The following STARD13 variants were observed in gnomAD, a reference collection of about 807,000 sequenced individuals.
STARD13 encodes StAR related lipid transfer domain containing 13.
A neutral mutation model predicts 106.4 loss-of-function variants in STARD13; 62 were observed. The ratio of observed to expected loss-of-function variants is 0.58; its 90% CI spans 0.48 to 0.72. STARD13 has a LOEUF of 0.72. Among genes scored for constraint, STARD13 ranks in the 30% least tolerant of loss-of-function variants. The pLI is 0.00. For missense variants in STARD13, 1,387 were observed against 1,424.0 expected (o/e 0.97, Z 0.42); for synonymous variants, 565 against 553.0 (o/e 1.02, Z -0.31).
chr13:33,263,962 A>T (rs1445959683), intron 1 of STARD13, among the ~76,000 whole-genome samples: 1 of 152,220 alleles, frequency 6.6e-6, no homozygotes, highest in Non-Finnish European at 1.5e-5. Flanking sequence ...TGAAGAGGCA[A>T]CTTCCAAGAC....
the STARD13 span, among the ~76,000 whole-genome samples, chr13:33,578,650 T>C: frequency 2.0e-5 from 3 of 151,900 alleles, no homozygotes; most frequent in African/African-American, 7.3e-5. Context: ...AATAAGGAAA[T>C]AGGACCTAAT....
chr13:33,599,042 T>G, the STARD13 span, among the ~76,000 whole-genome samples: 2 of 152,212 alleles, frequency 1.3e-5, no homozygotes, highest in African/African-American at 4.8e-5. Context: ...TGTGAGAGTT[T>G]CAATTTAAAA....
intron 1 of STARD13, among the ~76,000 whole-genome samples, chr13:33,270,148 G>A (rs1463287787): frequency 6.6e-6 from 1 of 152,050 alleles, no homozygotes; most frequent in African/African-American, 2.4e-5. Context: ...AGGCAGGAGA[G>A]TTGCTTGAAC....
At chr13:33,577,269 C>T in the STARD13 span, among the ~76,000 whole-genome samples, 1 of 152,162 alleles carries the variant, frequency 6.6e-6, no homozygotes, top group Non-Finnish European at 1.5e-5. Context: ...GCAACCACCT[C>T]TACTCTACAG....
At chr13:33,253,437 A>C (rs1890185914) in intron 1 of STARD13, among the ~76,000 whole-genome samples, 1 of 152,260 alleles carries the variant, frequency 6.6e-6, no homozygotes, top group Non-Finnish European at 1.5e-5. Context: ...CAGGAAAAAC[A>C]CAATTACCCC....
intron 1 of STARD13, among the ~76,000 whole-genome samples, chr13:33,337,928 T>C (rs1420612771): frequency 1.3e-5 from 2 of 152,230 alleles, no homozygotes; most frequent in African/African-American, 4.8e-5. Context: ...GGCCCTTCTA[T>C]GCATGGGGCC....
the STARD13 span, among the ~76,000 whole-genome samples, chr13:33,393,332 T>C: frequency 2.0e-5 from 3 of 151,994 alleles, no homozygotes; most frequent in Non-Finnish European, 2.9e-5. Flanking sequence ...CATTTGGAGA[T>C]GAAAAAAATG....
At chr13:33,281,895 T>C (rs753404292) in intron 1 of STARD13, among the ~76,000 whole-genome samples, 34 of 152,194 alleles carry the variant, frequency 2.2e-4, no homozygotes, top group Non-Finnish European at 4.9e-4. Flanking sequence ...GTTCTGGAGA[T>C]GGATGGCGGT....
the STARD13 span, among the ~76,000 whole-genome samples, chr13:33,486,617 C>T: frequency 6.6e-6 from 1 of 152,146 alleles, no homozygotes; most frequent in Non-Finnish European, 1.5e-5. Flanking sequence ...TTCCATCTTT[C>T]CTTATTGATG....
downstream of STARD13, among the ~76,000 whole-genome samples, chr13:33,346,123 G>A (rs1020492333): frequency 1.3e-5 from 2 of 152,144 alleles, no homozygotes; most frequent in African/African-American, 4.8e-5. Flanking sequence ...TGTGTGTCAG[G>A]CACACAGGGC....
chr13:33,441,827 C>T, the STARD13 span, among the ~76,000 whole-genome samples: 1 of 152,080 alleles, frequency 6.6e-6, no homozygotes. Context: ...AAAGCAAATC[C>T]ACAAAAGAGT....
chr13:33,267,036 T>G (rs905484052), intron 1 of STARD13, among the ~76,000 whole-genome samples: 1 of 152,206 alleles, frequency 6.6e-6, no homozygotes, highest in African/African-American at 2.4e-5. Context: ...TTACTAAAGT[T>G]GAATTCATGA....
the STARD13 span, among the ~76,000 whole-genome samples, chr13:33,631,969 T>G: frequency 6.6e-6 from 1 of 152,094 alleles, no homozygotes; most frequent in African/African-American, 2.4e-5. Flanking sequence ...TTAAATAGAG[T>G]TTATCAGGTA....
the STARD13 span, among the ~76,000 whole-genome samples, chr13:33,543,268 A>G: frequency 1.3e-5 from 2 of 152,132 alleles, no homozygotes; most frequent in Non-Finnish European, 2.9e-5. Context: ...TGGCCTATTA[A>G]AGCGCTGTTG....
At chr13:33,657,360 GT>G in the STARD13 span, 1 of 152,174 alleles carries the variant, frequency 6.6e-6, no homozygotes, top group African/African-American at 2.4e-5. Context: ...TGAGCATCTA[GT>G]AAGTGCCAGG....
Position 33,123,175 on chromosome 13 carries a change from G to A in STARD13, c.2082+2906C>T, listed in dbSNP as rs970933283. On this transcript the variant is annotated intron_variant, in intron 7 of 13. Coordinates refer to ENST00000336934, the MANE Select transcript of STARD13 (RefSeq NM_178006.4). ...AAAAAGTGACAAACAGCCAGCGGGG[G>A]CAGGGACACTTGTACTGAGTACTAA... Among the ~76,000 whole-genome samples, 9 of 152,134 alleles carry A rather than the reference G, an allele frequency of 5.9e-5. No homozygotes were observed. In the East Asian group the frequency reaches 1.7e-3, roughly 29 times the overall value.
intron 1 of STARD13, among the ~76,000 whole-genome samples, chr13:33,339,712 A>C (rs2077938097): frequency 6.6e-6 from 1 of 152,198 alleles, no homozygotes; most frequent in African/African-American, 2.4e-5. Flanking sequence ...AATATGCAAA[A>C]GCTTTTTTGA....
intron 1 of STARD13, among the ~76,000 whole-genome samples, chr13:33,183,269 G>A (rs888897440): frequency 2.6e-5 from 4 of 152,270 alleles, no homozygotes; most frequent in South Asian, 4.2e-4. Flanking sequence ...CAGAGTGCTC[G>A]GAGCTCAGCA....
chr13:33,569,515 G>C, the STARD13 span, among the ~76,000 whole-genome samples: 3 of 147,204 alleles, frequency 2.0e-5, no homozygotes, highest in South Asian at 6.5e-4. Flanking sequence ...GAAATTTTAA[G>C]GATTTAATAG....
Sources: allele counts gnomAD v4.1 joint callset (sites outside exome capture counted in the v4.1 genomes callset), GRCh38; gene constraint gnomAD v4.1.1; transcripts MANE v1.5; gene names NCBI Gene and HGNC (gene_info 2026-07-23, HGNC 2026-07-21).